C10orf67: variants seen among roughly 807,000 people sequenced by gnomAD.
The protein encoded by C10orf67 is chromosome 10 open reading frame 67.
In C10orf67, 60 loss-of-function variants were observed where a neutral mutation model predicts 35.6. The ratio of observed to expected loss-of-function variants is 1.68; its 90% CI spans 1.37 to 2.09. C10orf67 has a LOEUF of 2.09. C10orf67 is among the 30% of genes most tolerant of loss of function. C10orf67 has a pLI of 0.00. For missense variants in C10orf67, 474 were observed against 330.2 expected, an observed-to-expected ratio of 1.44 and a Z score of -3.38; for synonymous variants, 167 against 115.8, an observed-to-expected ratio of 1.44 and a Z score of -2.84.
chr10:23,218,906 T>C (rs1197887667), intron 15 of C10orf67, among the ~76,000 whole-genome samples: 3 of 152,208 alleles, frequency 2.0e-5, no homozygotes, highest in African/African-American at 7.2e-5. Context: ...AGACAATATA[T>C]AAAACAATGT....
At chr10:23,308,394 G>A (rs1239010440) in intron 4 of C10orf67, among the ~76,000 whole-genome samples, 1 of 152,084 alleles carries the variant, frequency 6.6e-6, no homozygotes, top group Non-Finnish European at 1.5e-5. Flanking sequence ...CCTCCTACGG[G>A]CTAACATCCA....
intron 13 of C10orf67, among the ~76,000 whole-genome samples, chr10:23,236,457 AAAAC>A: frequency 6.6e-6 from 1 of 151,760 alleles, no homozygotes; most frequent in South Asian, 2.1e-4. Context: ...AAACAAACAA[AAAAC>A]AAACAAAAAA....
intron 1 of C10orf67, among the ~76,000 whole-genome samples, chr10:23,339,464 T>C (rs1017147424): frequency 2.7e-5 from 4 of 147,912 alleles, no homozygotes; most frequent in African/African-American, 5.0e-5. Flanking sequence ...GGAACGAACA[T>C]TTGGATCTCG....
At chr10:23,305,967 G>GCGCA (rs1554813958) in intron 4 of C10orf67, among the ~76,000 whole-genome samples, 101 of 149,498 alleles carry the variant, frequency 6.8e-4, no homozygotes, top group African/African-American at 2.2e-3. Flanking sequence ...TTACATACGC[G>GCGCA]CACACACACA....
chr10:23,248,694 CTG>C (rs1263580235), intron 12 of C10orf67, among the ~76,000 whole-genome samples: 4 of 152,174 alleles, frequency 2.6e-5, no homozygotes, highest in Admixed American at 2.0e-4. Context: ...ATGAAGTACT[CTG>C]TACAAATGCA....
chr10:23,327,252 A>G (rs1845237372), intron 2 of C10orf67, among the ~76,000 whole-genome samples: 1 of 152,164 alleles, frequency 6.6e-6, no homozygotes, highest in African/African-American at 2.4e-5. Context: ...GGCAGAAAAT[A>G]CAAATTTATC....
At chr10:23,251,483 A>T (rs1375923211) in intron 10 of C10orf67, among the ~76,000 whole-genome samples, 2 of 152,218 alleles carry the variant, frequency 1.3e-5, no homozygotes, top group African/African-American at 4.8e-5. Context: ...ATTTTGCAAG[A>T]GGACAAAGTT....
intron 4 of C10orf67, among the ~76,000 whole-genome samples, chr10:23,304,611 G>C (rs1418493319): frequency 1.3e-5 from 2 of 152,088 alleles, no homozygotes; most frequent in East Asian, 3.9e-4. Context: ...TATGTCTCTG[G>C]AGGCATGTCT....
chr10:23,294,168 T>A (rs1248922394), intron 5 of C10orf67, among the ~76,000 whole-genome samples: 5 of 151,978 alleles, frequency 3.3e-5, no homozygotes, highest in African/African-American at 4.8e-5. Context: ...ACCAGGAAAG[T>A]GGCACTCTGG....
chr10:23,223,079 A>T (rs1027773351), intron 15 of C10orf67, among the ~76,000 whole-genome samples: 6 of 149,704 alleles, frequency 4.0e-5, no homozygotes, highest in African/African-American at 1.5e-4. Context: ...AAGTATAACT[A>T]TTTTTTTTTT....
chr10:23,298,494 G>A (rs1441095063), intron 5 of C10orf67, among the ~76,000 whole-genome samples: 1 of 152,162 alleles, frequency 6.6e-6, no homozygotes, highest in East Asian at 1.9e-4. Flanking sequence ...TTCTGCTTCA[G>A]GTGTCCATCT....
At chr10:23,272,731 C>A (rs1843063845) in intron 8 of C10orf67, among the ~76,000 whole-genome samples, 1 of 152,154 alleles carries the variant, frequency 6.6e-6, no homozygotes. Context: ...ACAACAAAAA[C>A]CCTGCTGGGA....
At position 23,300,351 on chromosome 10, in the gene C10orf67, C is replaced by CA. The variant is rs546147442; in HGVS notation, c.702+2952_702+2953insT. Among the ~76,000 whole-genome samples the CA allele has an allele frequency of 7.9e-4, 121 of 152,288 alleles. 2 individuals carry two copies. Among genetic ancestry groups the CA allele is most frequent in the Admixed American group, 3.1e-3 (48 of 15,298 alleles). ...TCCAGAGCCTCCAAAGTCCGCTTGC[C>CA]TGAGGGCCATGACTAAAGCGGTGGC... On this transcript the variant is annotated intron_variant, in intron 5 of 15. Coordinates refer to ENST00000636213, the MANE Select transcript of C10orf67 (RefSeq NM_001371909.1).
At chr10:23,317,946 A>ATATTTAAAT (rs1844791477) in intron 4 of C10orf67, 1 of 151,224 alleles carries the variant, frequency 6.6e-6, no homozygotes. Context: ...ATATATATAT[A>ATATTTAAAT]TTTAAATTAA....
intron 1 of C10orf67, among the ~76,000 whole-genome samples, chr10:23,337,986 A>G (rs1422242438): frequency 1.3e-5 from 2 of 152,234 alleles, no homozygotes; most frequent in African/African-American, 4.8e-5. Flanking sequence ...ATGTATTGAC[A>G]TTAATTTATG....
chr10:23,295,907 T>C (rs1030047677), intron 5 of C10orf67, among the ~76,000 whole-genome samples: 1 of 152,238 alleles, frequency 6.6e-6, no homozygotes. Flanking sequence ...CAATTTTTTC[T>C]AGATATAAAG....
chr10:23,266,704 G>T (rs889610256), intron 9 of C10orf67, among the ~76,000 whole-genome samples: 1 of 152,044 alleles, frequency 6.6e-6, no homozygotes, highest in Non-Finnish European at 1.5e-5. Flanking sequence ...GAATGGTGGG[G>T]TCTATGTGGA....
At chr10:23,275,544 C>T (rs1843162656) in intron 8 of C10orf67, among the ~76,000 whole-genome samples, 1 of 152,098 alleles carries the variant, frequency 6.6e-6, no homozygotes, top group South Asian at 2.1e-4. Context: ...CTTTGGTTCT[C>T]AGCCTAATGC....
At chr10:23,280,703 A>G (rs1198200685) in intron 8 of C10orf67, among the ~76,000 whole-genome samples, 2 of 152,160 alleles carry the variant, frequency 1.3e-5, no homozygotes, top group South Asian at 4.1e-4. Flanking sequence ...ATAAAACGTG[A>G]TTGGTTCCCC....
Sources: allele counts gnomAD v4.1 joint callset (sites outside exome capture counted in the v4.1 genomes callset), GRCh38; gene constraint gnomAD v4.1.1; transcripts MANE v1.5; gene names NCBI Gene and HGNC (gene_info 2026-07-23, HGNC 2026-07-21).